The following PGAP6 variants were observed in gnomAD, a reference collection of about 807,000 sequenced individuals.
PGAP6 encodes post-GPI attachment to proteins factor 6.
A neutral mutation model predicts 68.4 loss-of-function variants in PGAP6; 62 were observed. That is an observed-to-expected ratio of 0.91 (90% confidence interval 0.74 to 1.12). The LOEUF is 1.12. PGAP6 is among the 50% of genes most tolerant of loss of function. PGAP6 has a pLI of 0.00. For missense variants in PGAP6, 1,188 were observed against 1,068.5 expected, an observed-to-expected ratio of 1.11 and a Z score of -1.56; for synonymous variants, 575 against 474.0, an observed-to-expected ratio of 1.21 and a Z score of -2.77.
chr16:377,812 G>A lies in PGAP6; in HGVS notation c.158C>T (p.Pro53Leu), dbSNP rs868534529. 12 of 1,572,550 alleles carry A rather than the reference G, an allele frequency of 7.6e-6. No individual in the cohort carries two copies. Among genetic ancestry groups the A allele is most frequent in the African/African-American group, 1.4e-5 (1 of 73,934 alleles). Residue 53 changes from proline to leucine, a missense_variant, in exon 2 of 13, where the codon CCG becomes CTG. Pro to Leu is a moderately conservative substitution (Grantham distance 98, BLOSUM62 -3). Transcript: ENST00000431232. ...CCAGCTGTAGAAGGACAGCCTCTGC[G>A]GGGCCTGCGAGAAGTGCTCGGACAC... ...GLVSEHFSQA[P>L]QRLSFYSWYG...
upstream of PGAP6, among the ~76,000 whole-genome samples, chr16:386,493 AG>A (rs776027267): frequency 6.6e-6 from 1 of 152,104 alleles, no homozygotes; most frequent in Non-Finnish European, 1.5e-5. Context: ...GTGGTCAGGC[AG>A]GAGGAGTGCA....
chr16:378,159 C>A (rs1227933093), intron 1 of PGAP6, among the ~76,000 whole-genome samples: 2 of 150,570 alleles, frequency 1.3e-5, no homozygotes, highest in African/African-American at 2.5e-5. Flanking sequence ...CCCTGACTGC[C>A]ATCGCCACCC....
intron 1 of PGAP6, among the ~76,000 whole-genome samples, chr16:380,939 C>G (rs1343809834): frequency 6.6e-6 from 1 of 152,250 alleles, no homozygotes; most frequent in Non-Finnish European, 1.5e-5. Flanking sequence ...TCCCAGGCCA[C>G]AGAGGCCGGG....
In PGAP6 at chr16:372,185, G is replaced by A. The variant is rs557408595; in HGVS notation, c.2118C>T (p.Ile706=). Residue 706 remains isoleucine (I), a synonymous_variant, in exon 13 of 13, where the codon ATC becomes ATT. Transcript: ENST00000431232. Reference sequence around the variant, plus strand: ...TAGTCATCATGGAGGTGTAGATGGCGATGCCCACAGAGGCCATAGAGACGC... The same window carrying A: ...TAGTCATCATGGAGGTGTAGATGGCAATGCCCACAGAGGCCATAGAGACGC... ...LPGVSMASVG[I]AIYTSMMTSD... 10 of 1,612,864 alleles carry A rather than the reference G, an allele frequency of 6.2e-6. No individual in the cohort carries two copies. The highest frequency in any genetic ancestry group is 4.0e-5 in the African/African-American group (3 of 75,044).
chr16:372,461 C>A, intron 12 of PGAP6, 150 bp downstream of exon 12: 1 of 947,936 alleles, frequency 1.1e-6, no homozygotes, highest in East Asian at 2.4e-5. Context: ...AGGGACACAG[C>A]CATGCTGGGC....
chr16:381,268 C>A (rs1174842158), intron 1 of PGAP6, among the ~76,000 whole-genome samples: 1 of 152,234 alleles, frequency 6.6e-6, no homozygotes, highest in Non-Finnish European at 1.5e-5. Context: ...CCACGGGCCC[C>A]CGCTACAGGG....
chr16:383,103 G>A (rs745312539), upstream of PGAP6, among the ~76,000 whole-genome samples: 15 of 151,830 alleles, frequency 9.9e-5, no homozygotes, highest in Non-Finnish European at 2.2e-4. Context: ...GCGACAGAGC[G>A]AGACTCCGTC....
At chr16:385,387 A>C (rs1203868917), upstream of PGAP6, among the ~76,000 whole-genome samples, 2 of 132,050 alleles carry the variant, frequency 1.5e-5, no homozygotes, top group Admixed American at 1.8e-4. Flanking sequence ...ATCTCGGCTC[A>C]CGCAAGCTCC....
Position 375,142 on chromosome 16 carries a change from T to G in PGAP6, c.1430A>C (p.Glu477Ala). ...CCCTAGGTTTACTTACTCAGCATTC[T>G]CAGGGCACATGAGCTGCAGGGAGAG... The part of the protein sequence containing the change: ...WYLSLQLMCP[E>A]NAEDCEQAVV... The change falls in exon 8 of 13, where the codon GAG becomes GCG. Residue 477 changes from glutamate to alanine, a missense_variant. Physicochemically the swap from Glu to Ala is moderately radical, Grantham distance 107. Coordinates refer to ENST00000431232, the MANE Select transcript of PGAP6 (RefSeq NM_021259.3). 6.2e-7 allele frequency: 1 copy of G among 1,613,304 alleles called. No homozygotes were observed. The highest frequency in any genetic ancestry group is 8.5e-7 in the Non-Finnish European group (1 of 1,179,966).
At chr16:373,333 G>A (rs2054351067) in intron 11 of PGAP6, among the ~76,000 whole-genome samples, 4 of 152,210 alleles carry the variant, frequency 2.6e-5, no homozygotes, top group Admixed American at 6.5e-5. Flanking sequence ...CAGGGCATGA[G>A]TCTCCCCTTG....
intron 1 of PGAP6, among the ~76,000 whole-genome samples, chr16:380,366 G>T (rs868222016): frequency 6.7e-6 from 1 of 148,868 alleles, no homozygotes; most frequent in Non-Finnish European, 1.5e-5. Context: ...TTTTCTTTCT[G>T]TCTTTCTTTT....
intron 6 of PGAP6, 133 bp downstream of exon 6, chr16:376,001 GCC>G: frequency 2.3e-6 from 2 of 884,296 alleles, no homozygotes; most frequent in Non-Finnish European, 3.3e-6. Context: ...CCCAACATGG[GCC>G]CCTGTCTTGG....
intron 1 of PGAP6, among the ~76,000 whole-genome samples, chr16:379,942 TG>T (rs1208932482): frequency 2.0e-5 from 3 of 152,062 alleles, no homozygotes; most frequent in Non-Finnish European, 4.4e-5. Context: ...CAGGGCTGGG[TG>T]GGGAAGGTGG....
upstream of PGAP6, chr16:382,173 A>G (rs2054449804): frequency 1.6e-5 from 6 of 379,030 alleles, no homozygotes; most frequent in Admixed American, 2.3e-4. Context: ...AGGGCGCGGG[A>G]TGGAGGGATC....
intron 6 of PGAP6, 56 bp from the exon 7 acceptor site, chr16:375,491 C>A: frequency 6.9e-7 from 1 of 1,440,192 alleles, no homozygotes; most frequent in Non-Finnish European, 9.7e-7. Flanking sequence ...GCAGTGGGGT[C>A]ATCTGCCCCA....
intron 1 of PGAP6, among the ~76,000 whole-genome samples, chr16:381,464 G>A (rs924215760): frequency 4.6e-5 from 7 of 152,274 alleles, no homozygotes; most frequent in African/African-American, 9.6e-5. Flanking sequence ...CGCTCCAGGG[G>A]CCGATGTGGC....
At chr16:382,021 A>G (rs1247201712), upstream of PGAP6, 668 of 828,682 alleles carry the variant, frequency 8.1e-4, no homozygotes, top group Non-Finnish European at 8.5e-4. Context: ...CGGGAAGGCG[A>G]GGGCGGGGTC....
chr16:382,216 G>C (rs2054450308), upstream of PGAP6: 7 of 392,952 alleles, frequency 1.8e-5, no homozygotes, highest in Non-Finnish European at 2.7e-5. Context: ...GTCGCGCCGG[G>C]CGCGCTCGGA....
intron 1 of PGAP6, 111 bp downstream of exon 1, chr16:381,590 A>C: frequency 1.1e-6 from 1 of 902,524 alleles, no homozygotes; most frequent in Non-Finnish European, 1.4e-6. Context: ...GGGGACCCCC[A>C]ACCCCGCGCC....
Sources: gnomAD v4.1 joint callset for allele counts (sites outside exome capture counted in the v4.1 genomes callset) on GRCh38, gnomAD v4.1.1 for gene constraint, MANE v1.5 for transcripts, NCBI Gene and HGNC (gene_info 2026-07-23, HGNC 2026-07-21) for gene names.